Variants in IL1RAPL2 observed in about 807,000 individuals in gnomAD.
IL1RAPL2 encodes interleukin 1 receptor accessory protein like 2, also known as X-linked interleukin-1 receptor accessory protein-like 2.
IL1RAPL2 carries 3 observed loss-of-function variants against 44.1 expected under a neutral mutation model. The ratio of observed to expected loss-of-function variants is 0.07; its 90% confidence interval spans 0.03 to 0.18. IL1RAPL2 has a LOEUF of 0.18. Among genes scored for constraint, IL1RAPL2 ranks in the 10% least tolerant of loss-of-function variants. The pLI is 1.00. For missense variants in IL1RAPL2, 391 were observed against 496.4 expected (o/e 0.79, Z 2.02); for synonymous variants, 181 against 178.8 (o/e 1.01, Z -0.10).
chrX:105,163,661 C>A (rs2033346357), intron 2 of IL1RAPL2, among the ~76,000 whole-genome samples: 1 of 111,475 alleles, frequency 9.0e-6, no homozygotes, highest in Non-Finnish European at 1.9e-5. Flanking sequence ...TGCTTTTTAC[C>A]TTGGTTTCTG....
rs146273002 is a variant in IL1RAPL2 at position 105,377,330 on chromosome X, A to C, written c.698-106983A>C. Among the ~76,000 whole-genome samples, 14 of 109,634 alleles carry C rather than the reference A, an allele frequency of 1.3e-4. No homozygotes were observed. The East Asian group carries it at 3.7e-3, about 29-fold the overall frequency. ...TTATTTTTGTCAGACCCTTCCCCAAATTGATGAATATTTAGGGGTATGTGT... is the reference window on the plus strand; with the variant it reads ...TTATTTTTGTCAGACCCTTCCCCAACTTGATGAATATTTAGGGGTATGTGT... On this transcript the variant is annotated intron_variant, in intron 5 of 10. Coordinates refer to ENST00000372582, the MANE Select transcript of IL1RAPL2 (RefSeq NM_017416.2).
intron 1 of IL1RAPL2, among the ~76,000 whole-genome samples, chrX:104,627,181 T>TG (rs2148010214): frequency 9.2e-6 from 1 of 109,229 alleles, no homozygotes; most frequent in East Asian, 2.9e-4. Flanking sequence ...TTGGCTTGAA[T>TG]TTGTCTCTTT....
intron 2 of IL1RAPL2, among the ~76,000 whole-genome samples, chrX:104,837,840 C>T (rs1921782969): frequency 1.8e-5 from 2 of 111,813 alleles, no homozygotes; most frequent in Non-Finnish European, 3.8e-5. Flanking sequence ...AGGTTTTCTT[C>T]TAGGGTTTTT....
At chrX:105,365,812 T>C (rs1280063432) in intron 5 of IL1RAPL2, among the ~76,000 whole-genome samples, 2 of 111,547 alleles carry the variant, frequency 1.8e-5, no homozygotes, top group Admixed American at 9.6e-5. Flanking sequence ...AGTATTGCTC[T>C]GTCACCCAGG....
chrX:105,522,802 A>G (rs899951345), intron 6 of IL1RAPL2, among the ~76,000 whole-genome samples: 1 of 111,867 alleles, frequency 8.9e-6, no homozygotes, highest in Admixed American at 9.5e-5. Context: ...AATGCTGCCC[A>G]TGGTATCTCA....
chrX:104,726,282 C>T (rs1341954751), intron 2 of IL1RAPL2, among the ~76,000 whole-genome samples: 1 of 111,425 alleles, frequency 9.0e-6, no homozygotes, highest in Admixed American at 9.6e-5. Flanking sequence ...GTTACTGTAG[C>T]CTTGTAGTAT....
At chrX:105,404,238 T>A (rs1200459232) in intron 5 of IL1RAPL2, among the ~76,000 whole-genome samples, 4 of 111,810 alleles carry the variant, frequency 3.6e-5, no homozygotes. Flanking sequence ...GAGCAAACTG[T>A]CAGCTTCATC....
chrX:104,852,111 ACT>A (rs1426680474), intron 2 of IL1RAPL2, among the ~76,000 whole-genome samples: 1 of 111,528 alleles, frequency 9.0e-6, no homozygotes, highest in Non-Finnish European at 1.9e-5. Context: ...AGAAAGGGAG[ACT>A]CTCTAAAAAG....
intron 6 of IL1RAPL2, among the ~76,000 whole-genome samples, chrX:105,697,988 T>C (rs1426720956): frequency 1.8e-5 from 2 of 110,965 alleles, no homozygotes. Flanking sequence ...AGCCAACAGT[T>C]TTTCCCTCCT....
chrX:105,599,860 A>G (rs1046425287), intron 6 of IL1RAPL2, among the ~76,000 whole-genome samples: 2 of 111,145 alleles, frequency 1.8e-5, no homozygotes, highest in African/African-American at 6.5e-5. Context: ...TTGGTAAAAA[A>G]AAATCCATAG....
At chrX:105,065,223 A>G (rs907652442) in intron 2 of IL1RAPL2, among the ~76,000 whole-genome samples, 1 of 111,906 alleles carries the variant, frequency 8.9e-6, no homozygotes, top group African/African-American at 3.3e-5. Flanking sequence ...TAATTGTTTG[A>G]GGGTTCATAT....
intron 5 of IL1RAPL2, among the ~76,000 whole-genome samples, chrX:105,374,163 G>A (rs1244777651): frequency 1.9e-5 from 2 of 107,650 alleles, no homozygotes; most frequent in Non-Finnish European, 3.8e-5. Context: ...GGCTGTAGGT[G>A]TGTGGCCTCT....
intron 5 of IL1RAPL2, among the ~76,000 whole-genome samples, chrX:105,426,915 G>A (rs1366865568): frequency 8.9e-6 from 1 of 111,975 alleles, no homozygotes. Context: ...TCAATGATTT[G>A]AAATTAAGGT....
intron 2 of IL1RAPL2, among the ~76,000 whole-genome samples, chrX:104,694,128 C>T (rs965817927): frequency 5.4e-5 from 6 of 111,913 alleles, no homozygotes; most frequent in African/African-American, 2.0e-4. Context: ...CCATGCATAT[C>T]GTGAACATAT....
chrX:105,508,104 G>A (rs1341943899), intron 6 of IL1RAPL2, among the ~76,000 whole-genome samples: 1 of 111,400 alleles, frequency 9.0e-6, no homozygotes, highest in Non-Finnish European at 1.9e-5. Flanking sequence ...AAGAGCAACT[G>A]ACCCTCTACC....
At chrX:105,058,139 G>C (rs913439336) in intron 2 of IL1RAPL2, among the ~76,000 whole-genome samples, 3 of 109,919 alleles carry the variant, frequency 2.7e-5, no homozygotes, top group Non-Finnish European at 5.7e-5. Flanking sequence ...TTTCAGTAGA[G>C]ATGGGGTTTC....
At chrX:104,925,792 C>A (rs1924760014) in intron 2 of IL1RAPL2, among the ~76,000 whole-genome samples, 2 of 111,547 alleles carry the variant, frequency 1.8e-5, no homozygotes, top group Non-Finnish European at 3.8e-5. Flanking sequence ...CAGCACAAGG[C>A]AAGGATGCCC....
intron 2 of IL1RAPL2, among the ~76,000 whole-genome samples, chrX:104,821,215 T>C (rs908008491): frequency 8.9e-6 from 1 of 111,895 alleles, no homozygotes; most frequent in South Asian, 3.8e-4. Context: ...CAACAAATTA[T>C]TTTTGTCTAT....
chrX:104,897,877 G>T (rs746383464), intron 2 of IL1RAPL2, among the ~76,000 whole-genome samples: 11 of 111,727 alleles, frequency 9.8e-5, no homozygotes, highest in Non-Finnish European at 1.7e-4. Context: ...AGAACCTTTT[G>T]TAAAGTGAAG....
Sources: allele counts gnomAD v4.1 joint callset (sites outside exome capture counted in the v4.1 genomes callset), GRCh38; gene constraint gnomAD v4.1.1; transcripts MANE v1.5; gene names NCBI Gene and HGNC (gene_info 2026-07-23, HGNC 2026-07-21).